Variants in LRRTM4 observed in about 807,000 individuals in gnomAD.
LRRTM4 encodes leucine-rich repeat transmembrane neuronal protein 4.
A neutral mutation model predicts 47.6 loss-of-function variants in LRRTM4; 25 were observed. The ratio of observed to expected loss-of-function variants is 0.53; its 90% confidence interval spans 0.38 to 0.73. The LOEUF is 0.73. Ranked by LOEUF, LRRTM4 falls within the 30% of genes least tolerant of loss-of-function variation. The probability of loss-of-function intolerance (pLI) is 0.00; values close to 1 mark genes in which losing one functional copy is unlikely to be tolerated. For synonymous variants in LRRTM4, 311 were observed against 269.5 expected, an observed-to-expected ratio of 1.15 and a Z score of -1.51; for missense variants, 638 against 713.4, an observed-to-expected ratio of 0.89 and a Z score of 1.20.
intron 3 of LRRTM4, among the ~76,000 whole-genome samples, chr2:77,430,512 G>A (rs543928385): frequency 9.9e-5 from 15 of 151,856 alleles, no homozygotes; most frequent in Admixed American, 5.3e-4. Context: ...ACCTGACATC[G>A]GGAGTTCGAG....
At chr2:76,759,394 G>T (rs1281844368) in intron 3 of LRRTM4, among the ~76,000 whole-genome samples, 1 of 152,260 alleles carries the variant, frequency 6.6e-6, no homozygotes, top group East Asian at 1.9e-4. Flanking sequence ...TGAACCTTCA[G>T]TTGGGAGTGC....
At chr2:77,070,077 G>T (rs1349524604) in intron 3 of LRRTM4, among the ~76,000 whole-genome samples, 1 of 152,062 alleles carries the variant, frequency 6.6e-6, no homozygotes, top group Admixed American at 6.6e-5. Flanking sequence ...AATCGGAAAT[G>T]AGGCTATGAA....
At chr2:77,086,588 C>T (rs574790741) in intron 3 of LRRTM4, among the ~76,000 whole-genome samples, 5 of 151,894 alleles carry the variant, frequency 3.3e-5, no homozygotes, top group African/African-American at 9.7e-5. Flanking sequence ...AGCCATTCTC[C>T]TGCCTAGCCT....
intron 3 of LRRTM4, among the ~76,000 whole-genome samples, chr2:76,755,840 T>A (rs144314902): frequency 1.0e-3 from 153 of 152,128 alleles, no homozygotes; most frequent in African/African-American, 3.6e-3. Flanking sequence ...AACTAAGCCC[T>A]CCAAACTGAC....
chr2:77,264,217 T>G (rs1675991977), intron 3 of LRRTM4, among the ~76,000 whole-genome samples: 1 of 152,048 alleles, frequency 6.6e-6, no homozygotes, highest in African/African-American at 2.4e-5. Flanking sequence ...CAGTTTCTGG[T>G]GAGAGCTCTC....
At position 76,821,087 on chromosome 2, in the gene LRRTM4, A is replaced by G. The variant is rs181529659; in HGVS notation, c.1552-72171T>C. Reference sequence around the variant, plus strand: ...TACAAAACATAAGTAGAAGACACTGATGAACACAAAACCATAAGAGGGAGA... The same window carrying G: ...TACAAAACATAAGTAGAAGACACTGGTGAACACAAAACCATAAGAGGGAGA... On this transcript the variant is annotated intron_variant, in intron 3 of 3. Coordinates refer to ENST00000409884, the MANE Select transcript of LRRTM4 (RefSeq NM_001134745.3). 5.3e-5 allele frequency among the ~76,000 whole-genome samples: 8 copies of G among 151,878 alleles called. No homozygotes were observed. The East Asian group carries it at 1.6e-3, about 29-fold the overall frequency.
chr2:76,935,686 T>C (rs547091901), intron 3 of LRRTM4, among the ~76,000 whole-genome samples: 16 of 152,338 alleles, frequency 1.1e-4, no homozygotes, highest in Admixed American at 7.2e-4. Flanking sequence ...TTTTTGTACA[T>C]TGATTTTGTA....
intron 3 of LRRTM4, among the ~76,000 whole-genome samples, chr2:76,831,501 G>A (rs959167949): frequency 6.6e-6 from 1 of 151,920 alleles, no homozygotes; most frequent in African/African-American, 2.4e-5. Flanking sequence ...TCTAGCTTTG[G>A]GTTGATTCTC....
intron 3 of LRRTM4, among the ~76,000 whole-genome samples, chr2:77,423,622 C>T (rs1674989436): frequency 6.6e-6 from 1 of 152,110 alleles, no homozygotes; most frequent in Non-Finnish European, 1.5e-5. Flanking sequence ...TATCTGAGGG[C>T]CAGACTGGAA....
At chr2:77,191,594 G>A (rs1673670906) in intron 3 of LRRTM4, among the ~76,000 whole-genome samples, 3 of 151,512 alleles carry the variant, frequency 2.0e-5, no homozygotes, top group African/African-American at 7.3e-5. Flanking sequence ...ATATTAAAAA[G>A]ATTACCATTA....
intron 3 of LRRTM4, among the ~76,000 whole-genome samples, chr2:77,173,439 A>G (rs908132022): frequency 6.6e-6 from 1 of 152,138 alleles, no homozygotes; most frequent in Non-Finnish European, 1.5e-5. Context: ...TTTTCCTGAC[A>G]TATATTTAGC....
chr2:77,335,127 C>A (rs290037), intron 3 of LRRTM4, among the ~76,000 whole-genome samples: 119,913 of 152,068 alleles, frequency 0.79, 47,786 homozygotes, highest in African/African-American at 0.89. Context: ...GATGTTATAT[C>A]ATATTTTATT....
intron 3 of LRRTM4, among the ~76,000 whole-genome samples, chr2:77,039,819 G>T (rs969278208): frequency 6.6e-6 from 1 of 150,604 alleles, no homozygotes; most frequent in African/African-American, 2.4e-5. Flanking sequence ...AAATAATTAG[G>T]ACAACATTGC....
intron 3 of LRRTM4, among the ~76,000 whole-genome samples, chr2:77,417,406 G>C (rs566654720): frequency 1.3e-5 from 2 of 152,140 alleles, no homozygotes; most frequent in Admixed American, 1.3e-4. Flanking sequence ...ATACCCAAAG[G>C]ATTATAAATC....
At chr2:76,846,213 G>A (rs1671832654) in intron 3 of LRRTM4, among the ~76,000 whole-genome samples, 1 of 152,068 alleles carries the variant, frequency 6.6e-6, no homozygotes, top group Non-Finnish European at 1.5e-5. Context: ...AGACCAGAGT[G>A]ATGTAAGCGA....
intron 3 of LRRTM4, among the ~76,000 whole-genome samples, chr2:76,888,258 C>A (rs1468512145): frequency 6.6e-6 from 1 of 151,010 alleles, no homozygotes; most frequent in South Asian, 2.1e-4. Context: ...ATAACAGGAA[C>A]TAGATAATGA....
intron 3 of LRRTM4, among the ~76,000 whole-genome samples, chr2:76,888,365 G>A (rs1296900042): frequency 6.6e-6 from 1 of 151,208 alleles, no homozygotes; most frequent in Non-Finnish European, 1.5e-5. Context: ...TATATATTTA[G>A]AGAATACATA....
chr2:76,973,534 A>G (rs1351437348), intron 3 of LRRTM4, among the ~76,000 whole-genome samples: 1 of 151,946 alleles, frequency 6.6e-6, no homozygotes, highest in Non-Finnish European at 1.5e-5. Context: ...ACTCTTCTTC[A>G]GTATTTGGAA....
intron 3 of LRRTM4, among the ~76,000 whole-genome samples, chr2:76,864,660 C>CAA (rs758059198): frequency 6.0e-5 from 6 of 100,748 alleles, no homozygotes; most frequent in East Asian, 2.8e-4. Flanking sequence ...AACTCCATCC[C>CAA]AAAAAAAAAA....
Sources: allele counts gnomAD v4.1 joint callset (sites outside exome capture counted in the v4.1 genomes callset), GRCh38; gene constraint gnomAD v4.1.1; transcripts MANE v1.5; gene names NCBI Gene and HGNC (gene_info 2026-07-23, HGNC 2026-07-21).